The following TDRD5 variants were observed in gnomAD, a reference collection of about 807,000 sequenced individuals.
TDRD5 encodes the protein tudor domain containing 5.
Under a neutral mutation model 120.6 loss-of-function variants are expected in TDRD5, and 41 were observed. The observed-to-expected ratio is 0.34, with a 90% confidence interval of 0.26 to 0.44. The LOEUF is 0.44. Among genes scored for constraint, TDRD5 ranks in the 20% least tolerant of loss-of-function variants. The pLI is 1.00. For missense variants in TDRD5, 1,006 were observed against 1,221.2 expected (o/e 0.82, Z 2.63); for synonymous variants, 430 against 433.7 (o/e 0.99, Z 0.11).
intron 17 of TDRD5, among the ~76,000 whole-genome samples, chr1:179,679,183 T>C (rs1680301791): frequency 6.6e-6 from 1 of 152,218 alleles, no homozygotes; most frequent in East Asian, 1.9e-4. Context: ...TTTTCAAATA[T>C]TAAACCAACC....
intron 2 of TDRD5, 23 bp from the exon 3 acceptor site, chr1:179,593,437 G>A (rs1348071884): frequency 1.2e-6 from 2 of 1,601,516 alleles, no homozygotes; most frequent in Non-Finnish European, 1.7e-6. Context: ...TCCTAAATAT[G>A]ATTTCTATTT....
rs746675462 is a variant in TDRD5, at chr1:179,663,525, T to C, written c.2649+34T>C. Reference sequence around the variant, plus strand: ...CTAATGCAGGTTATTGGGACAGGTTTGCATAAGGAAGTCCTTTCATTTTTA... The same window carrying C: ...CTAATGCAGGTTATTGGGACAGGTTCGCATAAGGAAGTCCTTTCATTTTTA... On this transcript the variant is annotated intron_variant, in intron 16 of 17. Transcript: ENST00000444136. The C allele has an allele frequency of 8.9e-6, 14 of 1,566,154 alleles. No individual in the cohort carries two copies. The South Asian group carries it at 9.6e-5, about 11-fold the overall frequency.
intron 9 of TDRD5, among the ~76,000 whole-genome samples, chr1:179,638,912 C>G (rs1211464617): frequency 1.6e-5 from 1 of 64,482 alleles, no homozygotes; most frequent in Non-Finnish European, 3.7e-5. Flanking sequence ...CTTGGGAAAC[C>G]TGAATGACCA....
intron 17 of TDRD5, among the ~76,000 whole-genome samples, chr1:179,684,378 C>A (rs960828778): frequency 6.6e-6 from 1 of 152,180 alleles, no homozygotes; most frequent in African/African-American, 2.4e-5. Flanking sequence ...GACATGAACT[C>A]ATCCTTTTTT....
At chr1:179,651,961 A>G (rs1678740928) in intron 12 of TDRD5, 78 bp from the exon 13 acceptor site, 4 of 1,441,582 alleles carry the variant, frequency 2.8e-6, no homozygotes, top group South Asian at 1.2e-5. Context: ...ATAGCATTTG[A>G]AAGTTATTAA....
chr1:179,671,020 ATT>A (rs1209376011), intron 17 of TDRD5, among the ~76,000 whole-genome samples: 1 of 152,202 alleles, frequency 6.6e-6, no homozygotes. Context: ...TCAAGTTAAT[ATT>A]TGTATAGGGT....
In TDRD5 at chr1:179,639,957, A is replaced by G. The variant is rs1677955358; in HGVS notation, c.1639A>G (p.Ile547Val). ...SEDKWWYRVI[I>V]HRVLEKQEVE... ...GGATAAGTGGTGGTATCGGGTCATT[A>G]TCCATCGAGTCCTTGAGAAACAGGA... Residue 547 changes from isoleucine to valine, a missense_variant, in exon 10 of 18, where the codon ATC becomes GTC. By Grantham distance (29) the Ile-to-Val change is conservative. This residue lies in a region of TDRD5 where 158 missense variants were observed against 257.5 expected (regional missense o/e 0.61). Transcript: ENST00000444136. 4 of 1,614,172 alleles carry G rather than the reference A, an allele frequency of 2.5e-6. No individual in the cohort carries two copies. The highest frequency in any genetic ancestry group is 3.3e-5 in the Admixed American group (2 of 60,016).
At chr1:179,592,965 G>A in intron 2 of TDRD5, 118 bp downstream of exon 2, 6 of 1,079,292 alleles carry the variant, frequency 5.6e-6, no homozygotes, top group Non-Finnish European at 6.6e-6. Flanking sequence ...AATTTGGTGG[G>A]GGAGGGAGAC....
In TDRD5 at chr1:179,654,327, A is replaced by G. The variant is rs1167277690; in HGVS notation, c.2287A>G (p.Asn763Asp). The G allele has an allele frequency of 6.5e-7, 1 of 1,541,330 alleles. No individual in the cohort carries two copies. The part of the protein sequence containing the change: ...KSFEEDPKWS[N>D]PEPNDLKEEN... Reference sequence around the variant, plus strand: ...CTTTGAAGAAGATCCAAAGTGGTCCAACCCAGAACCAAACGATCTGAAGGA... The same window carrying G: ...CTTTGAAGAAGATCCAAAGTGGTCCGACCCAGAACCAAACGATCTGAAGGA... Residue 763 changes from asparagine to aspartate, a missense_variant, in exon 14 of 18, where the codon AAC (asparagine) becomes GAC (aspartate). Physicochemically the swap from Asn to Asp is conservative, Grantham distance 23. Around this residue, in one of 3 missense-constraint regions of TDRD5, gnomAD observed 403 missense variants for 448.1 expected, o/e 0.90. Transcript: ENST00000444136.
intron 11 of TDRD5, among the ~76,000 whole-genome samples, chr1:179,649,333 C>A (rs1442776198): frequency 6.6e-6 from 1 of 151,862 alleles, no homozygotes; most frequent in Non-Finnish European, 1.5e-5. Context: ...TTCTTCTTAT[C>A]TCTGCTGCTT....
At chr1:179,613,178 A>G (rs902700420) in intron 4 of TDRD5, among the ~76,000 whole-genome samples, 2 of 152,214 alleles carry the variant, frequency 1.3e-5, no homozygotes, top group Admixed American at 6.5e-5. Context: ...GGCATTGCAT[A>G]TAAGAGGTGA....
intron 14 of TDRD5, among the ~76,000 whole-genome samples, chr1:179,661,855 G>A (rs747067744): frequency 2.6e-4 from 39 of 152,148 alleles, no homozygotes; most frequent in Non-Finnish European, 5.0e-4. Context: ...TTAATCGGTT[G>A]TCACTTGTCT....
In TDRD5 at chr1:179,595,767, G is replaced by C. The variant is rs756905757; in HGVS notation, c.780G>C (p.Lys260Asn). 1 of 1,613,780 alleles carries C rather than the reference G, an allele frequency of 6.2e-7. No individual in the cohort carries two copies. The highest frequency in any genetic ancestry group is 2.2e-5 in the East Asian group (1 of 44,870). Residue 260 changes from lysine (K) to asparagine (N), a missense_variant, in exon 4 of 18, where the codon AAG becomes AAC. This residue lies in a region of TDRD5 where 445 missense variants were observed against 515.5 expected (regional missense o/e 0.86). Coordinates refer to ENST00000444136, the MANE Select transcript of TDRD5 (RefSeq NM_001199085.3). Reference sequence around the variant, plus strand: ...TAATGAGCATGGAAAAGACTTCCAAGTTAAATGTAGTGGAGACTTCAAGAC... The same window carrying C: ...TAATGAGCATGGAAAAGACTTCCAACTTAAATGTAGTGGAGACTTCAAGAC... ...KQIMSMEKTS[K>N]LNVVETSRLN...
At chr1:179,617,630 T>C (rs555240062) in intron 4 of TDRD5, among the ~76,000 whole-genome samples, 1 of 152,168 alleles carries the variant, frequency 6.6e-6, no homozygotes, top group Non-Finnish European at 1.5e-5. Flanking sequence ...TTAACTTTTT[T>C]TTTTTACATT....
intron 16 of TDRD5, among the ~76,000 whole-genome samples, chr1:179,666,464 C>T (rs1341758350): frequency 6.6e-6 from 1 of 152,206 alleles, no homozygotes; most frequent in Non-Finnish European, 1.5e-5. Flanking sequence ...TTTAACCTTA[C>T]AGTACCTGAT....
intron 17 of TDRD5, among the ~76,000 whole-genome samples, chr1:179,684,154 CG>C (rs1680577714): frequency 1.3e-5 from 2 of 152,052 alleles, no homozygotes; most frequent in African/African-American, 4.8e-5. Flanking sequence ...CCCATTAACT[CG>C]TCATTTACAT....
At chr1:179,662,001 T>C in intron 14 of TDRD5, 103 bp from the exon 15 acceptor site, 1 of 1,077,158 alleles carries the variant, frequency 9.3e-7, no homozygotes, top group African/African-American at 1.6e-5. Flanking sequence ...ATTCAAACTG[T>C]CATCTTTACC....
At chr1:179,618,439 G>A (rs1676671319) in intron 4 of TDRD5, among the ~76,000 whole-genome samples, 160 bp from the exon 5 acceptor site, 1 of 152,046 alleles carries the variant, frequency 6.6e-6, no homozygotes, top group Non-Finnish European at 1.5e-5. Context: ...TATTTTGTAT[G>A]GTATGAAATG....
At chr1:179,687,672 G>A (rs1680803407) in intron 17 of TDRD5, among the ~76,000 whole-genome samples, 1 of 152,094 alleles carries the variant, frequency 6.6e-6, no homozygotes, top group Non-Finnish European at 1.5e-5. Context: ...TATTGTGTGG[G>A]AGTCTAAGTC....
Sources: allele counts gnomAD v4.1 joint callset (sites outside exome capture counted in the v4.1 genomes callset), GRCh38; gene constraint gnomAD v4.1.1; regional missense constraint gnomAD v4.1.1; transcripts MANE v1.5; gene names NCBI Gene and HGNC (gene_info 2026-07-23, HGNC 2026-07-21).